The following SFMBT2 variants were observed in gnomAD, a reference collection of about 807,000 sequenced individuals.
SFMBT2 encodes the protein Scm like with four mbt domains 2.
A neutral mutation model predicts 110.1 loss-of-function variants in SFMBT2; 38 were observed. The ratio of observed to expected loss-of-function variants is 0.35; its 90% CI spans 0.27 to 0.45. The LOEUF is 0.45. Among genes scored for constraint, SFMBT2 ranks in the 20% least tolerant of loss-of-function variants. The pLI, the probability that SFMBT2 is intolerant of heterozygous loss-of-function variation, is 1.00. For missense variants in SFMBT2, 1,011 were observed against 1,094.9 expected (o/e 0.92, Z 1.08); for synonymous variants, 425 against 425.4 (o/e 1.00, Z 0.01).
intron 17 of SFMBT2, 78 bp downstream of exon 17, chr10:7,175,912 G>T: frequency 7.3e-7 from 1 of 1,365,818 alleles, no homozygotes; most frequent in Non-Finnish European, 1.0e-6. Context: ...AAAAGCAAAT[G>T]AAACAAAAAC....
At chr10:7,297,050 T>C (rs1842425102) in intron 4 of SFMBT2, among the ~76,000 whole-genome samples, 1 of 152,238 alleles carries the variant, frequency 6.6e-6, no homozygotes, top group African/African-American at 2.4e-5. Flanking sequence ...AGTATCTATA[T>C]ATACACACAT....
intron 1 of SFMBT2, among the ~76,000 whole-genome samples, chr10:7,400,615 G>C (rs1846052060): frequency 6.6e-6 from 1 of 152,256 alleles, no homozygotes; most frequent in Non-Finnish European, 1.5e-5. Context: ...CAGGCCGTCA[G>C]GCCTCCCAGG....
chr10:7,285,162 G>A (rs1842051254), intron 5 of SFMBT2: 1 of 152,204 alleles, frequency 6.6e-6, no homozygotes, highest in Non-Finnish European at 1.5e-5. Context: ...AAGAAAAACA[G>A]ACTAGGTAAT....
chr10:7,387,777 GAAA>G (rs34684925), intron 1 of SFMBT2, among the ~76,000 whole-genome samples: 12 of 123,322 alleles, frequency 9.7e-5, no homozygotes, highest in African/African-American at 1.7e-4. Flanking sequence ...TTAAAAATAG[GAAA>G]AAAAAAAAAA....
intron 4 of SFMBT2, among the ~76,000 whole-genome samples, chr10:7,315,335 G>T (rs1842981547): frequency 6.6e-6 from 1 of 152,198 alleles, no homozygotes; most frequent in Non-Finnish European, 1.5e-5. Context: ...TCCATCGCAG[G>T]CCTGTATAGA....
intron 11 of SFMBT2, chr10:7,207,587 C>T (rs1839194743): frequency 2.0e-6 from 2 of 982,670 alleles, no homozygotes; most frequent in South Asian, 4.7e-5. Flanking sequence ...CCTGGTGAGC[C>T]CCATTACCAT....
intron 4 of SFMBT2, among the ~76,000 whole-genome samples, chr10:7,358,036 C>T (rs1027441848): frequency 1.2e-4 from 18 of 152,008 alleles, no homozygotes; most frequent in African/African-American, 4.4e-4. Flanking sequence ...ATCTGCATGG[C>T]CCAGTGACAT....
intron 7 of SFMBT2, chr10:7,249,079 C>T (rs1038898481): frequency 1.6e-5 from 16 of 980,398 alleles, no homozygotes; most frequent in East Asian, 1.1e-4. Context: ...CACCACCTCC[C>T]GTGTCTAAGA....
At chr10:7,179,076 A>G (rs1294060878) in intron 16 of SFMBT2, among the ~76,000 whole-genome samples, 2 of 152,188 alleles carry the variant, frequency 1.3e-5, no homozygotes, top group African/African-American at 4.8e-5. Flanking sequence ...TTAAATTCCA[A>G]CTTGTACTTT....
chr10:7,201,017 G>T, intron 13 of SFMBT2: 1 of 164,540 alleles, frequency 6.1e-6, no homozygotes, highest in Non-Finnish European at 1.3e-5. Flanking sequence ...ACAGAGCTCT[G>T]TTATAGTTCA....
intron 4 of SFMBT2, among the ~76,000 whole-genome samples, chr10:7,346,841 C>T (rs1290409943): frequency 6.7e-6 from 1 of 149,564 alleles, no homozygotes; most frequent in Non-Finnish European, 1.5e-5. Context: ...AAAAAATTGG[C>T]CGGGCATGGT....
At chr10:7,245,679 A>C (rs778031372) in intron 8 of SFMBT2, among the ~76,000 whole-genome samples, 5 of 152,216 alleles carry the variant, frequency 3.3e-5, no homozygotes, top group Admixed American at 6.5e-5. Flanking sequence ...CTTTCCTCTA[A>C]TCAATACAAC....
Position 7,163,684 on chromosome 10 carries a change from A to G in SFMBT2, c.*86T>C, listed in dbSNP as rs1837613704. The G allele has an allele frequency of 4.0e-6, 5 of 1,250,960 alleles. No individual in the cohort carries two copies. The highest frequency in any genetic ancestry group is 5.7e-6 in the Non-Finnish European group (5 of 876,028). The allele number at this position is 1,250,960 out of a possible 1,614,324, so 77.5% of individuals were successfully genotyped here. On this transcript the variant is annotated 3_prime_UTR_variant, in exon 21 of 21. Coordinates refer to ENST00000397167, the MANE Select transcript of SFMBT2 (RefSeq NM_001387889.1). This position sits in a 1 kb window ranked among gnomAD's most constrained non-coding sequence, Gnocchi z 4.8. ...ATACTTAGTGGCTGTACCATTTAAC[A>G]TATCCCGGAAAATCAAAGTTTCAGT...
At chr10:7,268,187 C>T (rs1316402932) in intron 7 of SFMBT2, among the ~76,000 whole-genome samples, 3 of 152,132 alleles carry the variant, frequency 2.0e-5, no homozygotes, top group African/African-American at 7.2e-5. Context: ...CTCCTCTAGC[C>T]CTAGTTTTAA....
At chr10:7,168,633 A>G (rs1837773232) in intron 20 of SFMBT2, among the ~76,000 whole-genome samples, 1 of 152,254 alleles carries the variant, frequency 6.6e-6, no homozygotes, top group Non-Finnish European at 1.5e-5. Context: ...ATCTCGCCGC[A>G]GCACCACTGT....
At chr10:7,374,738 A>T (rs918900081) in intron 2 of SFMBT2, among the ~76,000 whole-genome samples, 3 of 152,198 alleles carry the variant, frequency 2.0e-5, no homozygotes, top group Admixed American at 6.5e-5. Context: ...AATGGGATTT[A>T]AAAAAACTCA....
chr10:7,378,887 G>C (rs554326157), intron 2 of SFMBT2, among the ~76,000 whole-genome samples: 2 of 152,042 alleles, frequency 1.3e-5, no homozygotes, highest in African/African-American at 4.8e-5. Flanking sequence ...CTGTGCACTT[G>C]AAGGGGCAGG....
chr10:7,269,715 C>CGTGT (rs35063251), intron 7 of SFMBT2, among the ~76,000 whole-genome samples: 890 of 38,500 alleles, frequency 0.023, 8 homozygotes, highest in Non-Finnish European at 0.028. Context: ...TAAGTGTGTG[C>CGTGT]GTGTGTGTGT....
chr10:7,204,286 TCAGGGAATGTGAAGTCAGC>T, intron 12 of SFMBT2: 1 of 948,080 alleles, frequency 1.1e-6, no homozygotes, highest in Non-Finnish European at 1.3e-6. Flanking sequence ...TCTGTCGCCA[TCAGGGAATGTGAAGTCAGC>T]TATGCAATGG....
Sources: allele counts gnomAD v4.1 joint callset (sites outside exome capture counted in the v4.1 genomes callset), GRCh38; gene constraint gnomAD v4.1.1; non-coding constraint Gnocchi (gnomAD v3.1); transcripts MANE v1.5; gene names NCBI Gene and HGNC (gene_info 2026-07-23, HGNC 2026-07-21).